The following ZNF217 variants were observed in gnomAD, a reference collection of about 807,000 sequenced individuals.
ZNF217 encodes the protein zinc finger protein 217.
ZNF217 carries 12 observed loss-of-function variants against 73.3 expected under a neutral mutation model. That is an observed-to-expected ratio of 0.16 (90% CI 0.10 to 0.27). The LOEUF (loss-of-function observed/expected upper bound fraction) is 0.27. Ranked by LOEUF, ZNF217 falls within the 10% of genes least tolerant of loss-of-function variation. The pLI is 1.00. For synonymous variants in ZNF217, 588 were observed against 516.4 expected (o/e 1.14, Z -1.88); for missense variants, 1,195 against 1,327.8 (o/e 0.90, Z 1.55).
In ZNF217 at chr20:53,568,789, A is replaced by G. The variant is rs2145914201; in HGVS notation, c.*499T>C. ...CATACATTTTAAATGAAAGAGCACA[A>G]TAGCAGAAACTGCTCCAAGTGATGA... On this transcript the variant is annotated 3_prime_UTR_variant, in exon 6 of 6. Transcript: ENST00000371471. The G allele has an allele frequency of 6.5e-6, 1 of 153,654 alleles. No individual in the cohort carries two copies. Among genetic ancestry groups the G allele is most frequent in the South Asian group, 2.0e-4 (1 of 4,992 alleles). The allele number at this position is 153,654 out of a possible 1,614,324, so 9.5% of individuals were successfully genotyped here. A position where few individuals can be genotyped will look rare whatever the true frequency, so the allele number is the denominator to read the frequency against.
At chr20:53,588,827 T>C (rs1049678529) in intron 1 of ZNF217, among the ~76,000 whole-genome samples, 4 of 152,188 alleles carry the variant, frequency 2.6e-5, no homozygotes, top group Non-Finnish European at 4.4e-5. Flanking sequence ...ATACTAAAGT[T>C]GTATATCTGG....
At position 53,568,369 on chromosome 20, in the gene ZNF217, C is replaced by CG. The variant is rs1327459767; in HGVS notation, c.*918dup. The CG allele has an allele frequency of 1.3e-4, 20 of 152,112 alleles. No individual in the cohort carries two copies. The highest frequency in any genetic ancestry group is 4.8e-4 in the African/African-American group (20 of 41,408). The allele number at this position is 152,112 out of a possible 1,614,324, so 9.4% of individuals were successfully genotyped here. On this transcript the variant is annotated 3_prime_UTR_variant, in exon 6 of 6. Transcript: ENST00000371471. ...TATACTAATTTAGGCAAAACCCCCC[C>CG]GCCACTGAATCGTCCAACAAAAATG...
At position 53,576,929 on chromosome 20, in the gene ZNF217, T is replaced by C. The variant is rs775880794; in HGVS notation, c.1835A>G (p.Asp612Gly). Residue 612 changes from aspartate to glycine, a missense_variant, in exon 4 of 6, where the codon GAT (aspartate) becomes GGT (glycine). Asp to Gly is a moderately conservative substitution (Grantham distance 94, BLOSUM62 -1). Coordinates refer to ENST00000371471, the MANE Select transcript of ZNF217 (RefSeq NM_006526.3). The part of the protein sequence containing the change: ...FHKNAADDSA[D>G]KVNKNPTPAY... The stretch of plus-strand genomic sequence containing the variant: ...AGGGGTAGGGTTTTTATTCACTTTA[T>C]CAGCACTGTCATCAGCTGCATTTTT... 6.2e-7 allele frequency: 1 copy of C among 1,614,224 alleles called. No homozygotes were observed. Among genetic ancestry groups the C allele is most frequent in the Non-Finnish European group, 8.5e-7 (1 of 1,180,042 alleles).
chr20:53,585,875 C>A (rs554983731), intron 1 of ZNF217, among the ~76,000 whole-genome samples: 3 of 152,062 alleles, frequency 2.0e-5, no homozygotes, highest in African/African-American at 4.8e-5. Flanking sequence ...GGGAAGGAAA[C>A]CCTCCTGGCA....
chr20:53,592,228 G>A (rs1010520171), intron 1 of ZNF217, among the ~76,000 whole-genome samples: 6 of 152,120 alleles, frequency 3.9e-5, no homozygotes, highest in African/African-American at 1.4e-4. Flanking sequence ...CTGGCCAGTG[G>A]ACCACTGCAA....
At chr20:53,590,421 T>C (rs573296201) in intron 1 of ZNF217, among the ~76,000 whole-genome samples, 1 of 152,380 alleles carries the variant, frequency 6.6e-6, no homozygotes, top group Admixed American at 6.5e-5. Context: ...TGAATTTTTT[T>C]TTTAAGCAAA....
rs1988564464 is a variant in ZNF217 at position 53,582,916 on chromosome 20, C to G, written c.-90G>C. The G allele has an allele frequency of 7.3e-7, 1 of 1,368,222 alleles. No homozygotes were observed. Among genetic ancestry groups the G allele is most frequent in the East Asian group, 2.3e-5 (1 of 43,236 alleles). The allele number at this position is 1,368,222 out of a possible 1,614,324, so 84.8% of individuals were successfully genotyped here. ...CTCACCCCTCTAACAGCCCTGGGTT[C>G]CAAAAACCAGAGCAAATATTTATTA... is the stretch of plus-strand genomic sequence containing the variant. On this transcript the variant is annotated 5_prime_UTR_variant, in exon 2 of 6. Coordinates refer to ENST00000371471, the MANE Select transcript of ZNF217 (RefSeq NM_006526.3). The surrounding 1 kb of genome is among the most constrained non-coding windows in gnomAD (Gnocchi z 4.8).
intron 1 of ZNF217, among the ~76,000 whole-genome samples, chr20:53,591,548 A>G (rs1248534544): frequency 2.0e-5 from 3 of 152,254 alleles, no homozygotes; most frequent in Non-Finnish European, 4.4e-5. Flanking sequence ...CCGATTAAAA[A>G]TGGCAGCAAC....
intron 1 of ZNF217, among the ~76,000 whole-genome samples, chr20:53,588,590 CTATCTATA>C (rs1389940015): frequency 1.5e-4 from 4 of 26,694 alleles, no homozygotes; most frequent in Non-Finnish European, 2.1e-4. Context: ...ATACACACAT[CTATCTATA>C]TATATATATA....
chr20:53,584,679 TA>T (rs1387118851), intron 1 of ZNF217, among the ~76,000 whole-genome samples: 1 of 152,270 alleles, frequency 6.6e-6, no homozygotes, highest in Non-Finnish European at 1.5e-5. Context: ...CGCAGTTGGT[TA>T]AACTATAGGA....
intron 5 of ZNF217, among the ~76,000 whole-genome samples, chr20:53,569,988 A>G (rs1167564052): frequency 6.6e-6 from 1 of 152,062 alleles, no homozygotes; most frequent in Non-Finnish European, 1.5e-5. Context: ...ATGAGAAAGA[A>G]GAGGCTGGAA....
intron 5 of ZNF217, among the ~76,000 whole-genome samples, chr20:53,570,660 G>A (rs868433446): frequency 6.6e-5 from 10 of 152,112 alleles, no homozygotes; most frequent in Admixed American, 2.6e-4. Context: ...CTTACGGGAC[G>A]GCGGTGCACT....
rs1439329355 is a variant in ZNF217 at position 53,576,102 on chromosome 20, T to C, written c.2662A>G (p.Asn888Asp). Residue 888 changes from asparagine (N) to aspartate (D), a missense_variant, in exon 4 of 6, where the codon AAC becomes GAC. This residue lies in a region of ZNF217 where 649 missense variants were observed against 642.8 expected (regional missense o/e 1.01). Coordinates refer to ENST00000371471, the MANE Select transcript of ZNF217 (RefSeq NM_006526.3). The part of the protein sequence containing the change: ...INGSIDYPAK[N>D]DSPWAPPGRD... ...CCCGGAGGTGCCCACGGGCTGTCGTTCTTGGCGGGGTAGTCGATGGAACCA... is the reference window on the plus strand; with the variant it reads ...CCCGGAGGTGCCCACGGGCTGTCGTCCTTGGCGGGGTAGTCGATGGAACCA... 1 of 1,614,212 alleles carries C rather than the reference T, an allele frequency of 6.2e-7. No individual in the cohort carries two copies. Among genetic ancestry groups the C allele is most frequent in the Admixed American group, 1.7e-5 (1 of 60,016 alleles).
At chr20:53,579,050 C>T (rs1175543140) in intron 2 of ZNF217, among the ~76,000 whole-genome samples, 1 of 152,226 alleles carries the variant, frequency 6.6e-6, no homozygotes, top group African/African-American at 2.4e-5. Context: ...GGAAAGCAGG[C>T]TGTATTGTCC....
chr20:53,589,856 TAC>T (rs1988820140), intron 1 of ZNF217, among the ~76,000 whole-genome samples: 1 of 152,046 alleles, frequency 6.6e-6, no homozygotes. Flanking sequence ...CTTTGTGTAA[TAC>T]ATTTTTTTTT....
At chr20:53,591,451 T>TGTTAG (rs1988876960) in intron 1 of ZNF217, among the ~76,000 whole-genome samples, 1 of 152,150 alleles carries the variant, frequency 6.6e-6, no homozygotes, top group Non-Finnish European at 1.5e-5. Flanking sequence ...AATCCTATTC[T>TGTTAG]AACAATTAAA....
intron 3 of ZNF217, among the ~76,000 whole-genome samples, 157 bp from the exon 4 acceptor site, chr20:53,577,437 T>C (rs545348578): frequency 6.6e-6 from 1 of 152,262 alleles, no homozygotes; most frequent in Non-Finnish European, 1.5e-5. Flanking sequence ...ATCCTTACTG[T>C]AATGAATATT....
intron 1 of ZNF217, among the ~76,000 whole-genome samples, chr20:53,588,612 A>C (rs1309163897): frequency 2.2e-4 from 32 of 147,854 alleles, no homozygotes; most frequent in African/African-American, 6.7e-4. Flanking sequence ...ATATATATAT[A>C]TATATATATA....
At position 53,569,237 on chromosome 20, in the gene ZNF217, G is replaced by A. The variant is rs1987880869; in HGVS notation, c.*51C>T. The A allele has an allele frequency of 1.5e-6, 2 of 1,348,746 alleles. No homozygotes were observed. Among genetic ancestry groups the A allele is most frequent in the Non-Finnish European group, 2.0e-6 (2 of 1,013,708 alleles). 83.5% of individuals were successfully genotyped at this position (1,348,746 alleles called of 1,614,324 possible). A position where few individuals can be genotyped will look rare whatever the true frequency, so the allele number is the denominator to read the frequency against. On this transcript the variant is annotated 3_prime_UTR_variant, in exon 6 of 6. Coordinates refer to ENST00000371471, the MANE Select transcript of ZNF217 (RefSeq NM_006526.3). The stretch of plus-strand genomic sequence containing the variant: ...GGATGAAGTAAAATTTAATTTCATG[G>A]GGAGTAAGCACTGACATCCACCAAG...
Sources: gnomAD v4.1 joint callset for allele counts (sites outside exome capture counted in the v4.1 genomes callset) on GRCh38, gnomAD v4.1.1 for gene constraint, gnomAD v4.1.1 regional missense constraint, Gnocchi (gnomAD v3.1) non-coding constraint, MANE v1.5 for transcripts, NCBI Gene and HGNC (gene_info 2026-07-23, HGNC 2026-07-21) for gene names.